The following CAPRIN2 variants were observed in gnomAD, a reference collection of about 807,000 sequenced individuals.
CAPRIN2 encodes caprin family member 2.
A neutral mutation model predicts 130.4 loss-of-function variants in CAPRIN2; 66 were observed. The observed-to-expected ratio is 0.51, with a 90% CI of 0.42 to 0.62. The LOEUF (loss-of-function observed/expected upper bound fraction) is 0.62. Among genes scored for constraint, CAPRIN2 ranks in the 20% least tolerant of loss-of-function variants. CAPRIN2 has a pLI of 0.00. For synonymous variants in CAPRIN2, 471 were observed against 444.1 expected (o/e 1.06, Z -0.76); for missense variants, 1,185 against 1,246.6 (o/e 0.95, Z 0.74).
At chr12:30,715,009 C>G in exon 14 of CAPRIN2, 1 of 1,614,012 alleles carries the variant, frequency 6.2e-7, no homozygotes, top group Non-Finnish European at 8.5e-7. Context: ...TCTCCCACCA[C>G]GAGTACATCC....
chr12:30,726,030 A>C, exon 9 of CAPRIN2: 1 of 1,600,700 alleles, frequency 6.2e-7, no homozygotes, highest in African/African-American at 1.3e-5. Context: ...TTTCCTCAAT[A>C]CTGGATCCTT....
intron 2 of CAPRIN2, among the ~76,000 whole-genome samples, chr12:30,745,322 T>C (rs1226904016): frequency 1.3e-5 from 2 of 152,210 alleles, no homozygotes; most frequent in Non-Finnish European, 2.9e-5. Flanking sequence ...AATGTAACAA[T>C]TTAAGTTATT....
exon 7 of CAPRIN2, chr12:30,730,259 G>A: frequency 1.2e-6 from 2 of 1,611,252 alleles, no homozygotes; most frequent in Middle Eastern, 1.7e-4. Context: ...TGTATCTCTG[G>A]CTGGGCAAAT....
chr12:30,729,298 C>T (rs1200635335), exon 8 of CAPRIN2: 14 of 1,584,314 alleles, frequency 8.8e-6, no homozygotes, highest in Non-Finnish European at 2.6e-6. Context: ...GAATAATCTA[C>T]TTCTGTCATA....
At chr12:30,726,729 A>C (rs1350141227) in intron 8 of CAPRIN2, among the ~76,000 whole-genome samples, 1 of 152,148 alleles carries the variant, frequency 6.6e-6, no homozygotes, top group Non-Finnish European at 1.5e-5. Context: ...TAATCAAAGA[A>C]GACACACAGC....
exon 8 of CAPRIN2, chr12:30,729,097 C>T: frequency 6.2e-7 from 1 of 1,614,116 alleles, no homozygotes. Flanking sequence ...TTTGAGGTGT[C>T]TTGTTTCCTC....
chr12:30,730,209 A>T, intron 7 of CAPRIN2, 30 bp downstream of exon 8: 2 of 1,586,870 alleles, frequency 1.3e-6, no homozygotes, highest in Non-Finnish European at 1.7e-6. Flanking sequence ...TGAAAAATCA[A>T]CATCAGCAAA....
intron 15 of CAPRIN2, among the ~76,000 whole-genome samples, chr12:30,712,780 T>C (rs1412223146): frequency 1.3e-5 from 2 of 150,432 alleles, no homozygotes. Flanking sequence ...TCGCTCTTCT[T>C]GCCCAGGGTG....
chr12:30,727,498 G>A (rs1275641984), intron 8 of CAPRIN2, among the ~76,000 whole-genome samples: 2 of 152,162 alleles, frequency 1.3e-5, no homozygotes, highest in South Asian at 2.1e-4. Flanking sequence ...GATGTGCAAG[G>A]AAGACTACTC....
At chr12:30,743,134 C>T (rs1029560970) in intron 2 of CAPRIN2, among the ~76,000 whole-genome samples, 2 of 128,408 alleles carry the variant, frequency 1.6e-5, no homozygotes, top group East Asian at 5.6e-4. Flanking sequence ...CCCCCGCCCC[C>T]GCTTCTACCT....
intron 4 of CAPRIN2, among the ~76,000 whole-genome samples, chr12:30,734,334 T>C (rs1169781294): frequency 1.3e-5 from 2 of 152,140 alleles, no homozygotes; most frequent in Admixed American, 1.3e-4. Flanking sequence ...AAAGCTGGAA[T>C]AGCCTGCATC....
At chr12:30,739,583 G>A (rs890598443) in intron 3 of CAPRIN2, among the ~76,000 whole-genome samples, 2 of 151,968 alleles carry the variant, frequency 1.3e-5, no homozygotes, top group African/African-American at 4.8e-5. Flanking sequence ...AAAAGAATAA[G>A]TCGCGCATGT....
chr12:30,753,783 G>C, exon 1 of CAPRIN2: 8 of 1,583,628 alleles, frequency 5.1e-6, no homozygotes, highest in Non-Finnish European at 6.9e-6. Context: ...AAAGTAATTA[G>C]TGCCGCTAGC....
intron 13 of CAPRIN2, 172 bp downstream of exon 15, chr12:30,716,333 ACTT>A: frequency 1.8e-6 from 1 of 561,650 alleles, no homozygotes. Flanking sequence ...TAATAGGTAA[ACTT>A]AACACAAAAA....
exon 8 of CAPRIN2, chr12:30,729,184 T>G (rs1261433028): frequency 1.2e-6 from 2 of 1,614,080 alleles, no homozygotes; most frequent in East Asian, 4.5e-5. Flanking sequence ...GACTCCTGTT[T>G]CTTCTCTTGA....
In CAPRIN2 at chr12:30,725,976, T is replaced by C. The variant is rs957969926; in HGVS notation, c.1895A>G (p.Asn632Ser). 2.5e-6 allele frequency: 4 copies of C among 1,591,202 alleles called. No homozygotes were observed. In the African/African-American group the frequency reaches 5.4e-5, roughly 22 times the overall value. The change falls in exon 9 of 17, where the codon AAC (asparagine) becomes AGC (serine). Residue 632 changes from asparagine (N) to serine (S), a missense_variant. By Grantham distance (46) the Asn-to-Ser change is conservative. This residue lies in a region of CAPRIN2 where 1,104 missense variants were observed against 1,104.3 expected (regional missense o/e 1.00). Coordinates refer to ENST00000298892, the Ensembl canonical transcript of CAPRIN2. ...GTAAATGACTCATACTTGCATAAAG[T>C]TACAAGTTCCTTGAATCTGAGTCAT...
intron 12 of CAPRIN2, 123 bp from the exon 15 acceptor site, chr12:30,716,799 T>A (rs2057721848): frequency 2.7e-6 from 2 of 754,530 alleles, no homozygotes; most frequent in Non-Finnish European, 4.4e-6. Context: ...TGAATAGACA[T>A]CTCTCCAAAG....
At chr12:30,712,733 CTTTTTTTTTTTTTTT>C (rs754373140) in intron 15 of CAPRIN2, among the ~76,000 whole-genome samples, 3,952 of 107,506 alleles carry the variant, frequency 0.037, 197 homozygotes, top group African/African-American at 0.13. Context: ...GTTTTCCACT[CTTTTTTTTTTTTTTT>C]TTTTTTTTTT....
chr12:30,749,549 G>C (rs953060060), intron 2 of CAPRIN2, among the ~76,000 whole-genome samples: 2 of 152,194 alleles, frequency 1.3e-5, no homozygotes, highest in African/African-American at 4.8e-5. Flanking sequence ...ATCTTAAAGG[G>C]AGAAGTGAGC....
Sources: gnomAD v4.1 joint callset for allele counts (sites outside exome capture counted in the v4.1 genomes callset) on GRCh38, gnomAD v4.1.1 for gene constraint, gnomAD v4.1.1 regional missense constraint, MANE v1.5 for transcripts, NCBI Gene and HGNC (gene_info 2026-07-23, HGNC 2026-07-21) for gene names.